The following DIP2C variants were observed in gnomAD, a reference collection of about 807,000 sequenced individuals.
DIP2C encodes the protein DIP2 acetate--CoA ligase C (putative), also known as disco-interacting protein 2 homolog C.
In DIP2C, 33 loss-of-function variants were observed where a neutral mutation model predicts 192.4. That is an observed-to-expected ratio of 0.17 (90% CI 0.13 to 0.23). DIP2C has a LOEUF of 0.23. DIP2C is among the 10% of genes least tolerant of loss of function. The pLI, the probability that DIP2C is intolerant of heterozygous loss-of-function variation, is 1.00. For synonymous variants in DIP2C, 979 were observed against 864.1 expected, an observed-to-expected ratio of 1.13 and a Z score of -2.33; for missense variants, 1,537 against 2,110.1, an observed-to-expected ratio of 0.73 and a Z score of 5.32.
intron 1 of DIP2C, among the ~76,000 whole-genome samples, chr10:510,396 T>C (rs1261380194): frequency 6.6e-6 from 1 of 152,248 alleles, no homozygotes; most frequent in Non-Finnish European, 1.5e-5. Flanking sequence ...TCTTCTCTCC[T>C]GCACCTATAT....
At chr10:660,056 C>T (rs1334175466) in intron 1 of DIP2C, among the ~76,000 whole-genome samples, 2 of 152,250 alleles carry the variant, frequency 1.3e-5, no homozygotes, top group Admixed American at 6.5e-5. Context: ...CCTCTCATGA[C>T]AGAAACAGAC....
At chr10:648,958 C>T (rs1051824742) in intron 1 of DIP2C, among the ~76,000 whole-genome samples, 2 of 149,590 alleles carry the variant, frequency 1.3e-5, no homozygotes, top group African/African-American at 2.5e-5. Flanking sequence ...ACTGAGTCCA[C>T]GTCCACATTT....
chr10:292,447 G>A (rs1054608508), intron 32 of DIP2C, among the ~76,000 whole-genome samples: 29 of 152,282 alleles, frequency 1.9e-4, no homozygotes, highest in Middle Eastern at 6.8e-3. Flanking sequence ...CTTGAAGTTC[G>A]GACTTTTGCT....
chr10:518,351 T>C, intron 1 of DIP2C, among the ~76,000 whole-genome samples: 1 of 152,232 alleles, frequency 6.6e-6, no homozygotes, highest in East Asian at 1.9e-4. Flanking sequence ...GAAACCCTGC[T>C]CTTGCACCGC....
At chr10:607,183 C>G (rs1035342500) in intron 1 of DIP2C, among the ~76,000 whole-genome samples, 4 of 152,240 alleles carry the variant, frequency 2.6e-5, no homozygotes, top group Non-Finnish European at 5.9e-5. Context: ...GTCGTCCTTC[C>G]TCCTGCTTAT....
At chr10:389,000 T>A (rs1298549815) in intron 13 of DIP2C, among the ~76,000 whole-genome samples, 1 of 137,174 alleles carries the variant, frequency 7.3e-6, no homozygotes, top group East Asian at 2.2e-4. Flanking sequence ...CCAAGGGATC[T>A]CAGGGCCACG....
chr10:410,921 G>C (rs1965141997), intron 8 of DIP2C, among the ~76,000 whole-genome samples: 1 of 152,242 alleles, frequency 6.6e-6, no homozygotes, highest in Non-Finnish European at 1.5e-5. Flanking sequence ...AAGGAGATGT[G>C]TGTGATGTCA....
At chr10:673,974 C>T (rs1018578113) in intron 1 of DIP2C, among the ~76,000 whole-genome samples, 14 of 152,200 alleles carry the variant, frequency 9.2e-5, no homozygotes, top group Non-Finnish European at 1.5e-4. Flanking sequence ...CCAACAGGGA[C>T]GGTGAGTCCC....
chr10:349,494 C>A (rs765979230), intron 24 of DIP2C, 40 bp from the exon 25 acceptor site: 1 of 1,578,570 alleles, frequency 6.3e-7, no homozygotes, highest in South Asian at 1.1e-5. Flanking sequence ...AAGATTCCTT[C>A]AGCAGAGCAG....
intron 31 of DIP2C, among the ~76,000 whole-genome samples, chr10:314,570 A>G (rs1378405619): frequency 5.3e-5 from 8 of 152,258 alleles, no homozygotes; most frequent in Non-Finnish European, 8.8e-5. Flanking sequence ...CGTCCTTCCC[A>G]TGGTCTGTGG....
At chr10:423,367 G>A (rs1966340784) in intron 4 of DIP2C, among the ~76,000 whole-genome samples, 1 of 152,198 alleles carries the variant, frequency 6.6e-6, no homozygotes, top group African/African-American at 2.4e-5. Context: ...GAGAACAAGG[G>A]CCGCGTTTCC....
intron 19 of DIP2C, among the ~76,000 whole-genome samples, chr10:365,709 C>T (rs1402779667): frequency 1.3e-5 from 2 of 152,384 alleles, no homozygotes; most frequent in East Asian, 3.9e-4. Flanking sequence ...TTACACAGCA[C>T]ATCTGTGCAC....
chr10:490,681 G>C (rs1844371265), intron 1 of DIP2C, among the ~76,000 whole-genome samples: 2 of 152,112 alleles, frequency 1.3e-5, no homozygotes, highest in African/African-American at 4.8e-5. Context: ...TTCACTTTAT[G>C]ACAGAAAAGT....
At chr10:416,681 G>A (rs1239812558) in intron 6 of DIP2C, among the ~76,000 whole-genome samples, 1 of 152,134 alleles carries the variant, frequency 6.6e-6, no homozygotes, top group African/African-American at 2.4e-5. Context: ...ATCAATGAAA[G>A]AGTCAAGGTT....
At chr10:383,941 C>T in intron 16 of DIP2C, 86 bp downstream of exon 16, 1 of 1,399,976 alleles carries the variant, frequency 7.1e-7, no homozygotes, top group Non-Finnish European at 9.2e-7. Context: ...ATAAAAAAGA[C>T]TTCACAGCCT....
chr10:353,491 C>T (rs1290361935), intron 24 of DIP2C, among the ~76,000 whole-genome samples: 4 of 151,658 alleles, frequency 2.6e-5, no homozygotes, highest in African/African-American at 4.9e-5. Flanking sequence ...CGGGTTCAAG[C>T]GACTCTCGTG....
At chr10:497,078 C>A (rs181466532) in intron 1 of DIP2C, among the ~76,000 whole-genome samples, 1 of 152,134 alleles carries the variant, frequency 6.6e-6, no homozygotes, top group Non-Finnish European at 1.5e-5. Flanking sequence ...GAGCTGAGAT[C>A]GTGCCACTGC....
chr10:479,825 G>GTCGACGCTCACTGGATGAGGGT (rs1843456049), intron 2 of DIP2C, among the ~76,000 whole-genome samples: 1 of 152,198 alleles, frequency 6.6e-6, no homozygotes, highest in Non-Finnish European at 1.5e-5. Flanking sequence ...CTGAGCTCCA[G>GTCGACGCTCACTGGATGAGGGT]TCGACGCTCA....
Position 283,529 on chromosome 10 carries a change from T to G in DIP2C, c.4120-83A>C. ...GACTACAACTACTTTGACAATTCAG[T>G]ACATTATATTCAGTGATAGTAAACG... On this transcript the variant is annotated intron_variant, in intron 34 of 36. Coordinates refer to ENST00000280886, the MANE Select transcript of DIP2C (RefSeq NM_014974.3). 4.7e-6 allele frequency: 7 copies of G among 1,491,632 alleles called. No homozygotes were observed. The South Asian group carries it at 8.7e-5, about 19-fold the overall frequency. The allele number at this position is 1,491,632 out of a possible 1,614,324, so 92.4% of individuals were successfully genotyped here.
Sources: gnomAD v4.1 joint callset for allele counts (sites outside exome capture counted in the v4.1 genomes callset) on GRCh38, gnomAD v4.1.1 for gene constraint, MANE v1.5 for transcripts, NCBI Gene and HGNC (gene_info 2026-07-23, HGNC 2026-07-21) for gene names.